The following PDZRN3 variants were observed in gnomAD, a reference collection of about 807,000 sequenced individuals.
PDZRN3 encodes PDZ domain containing ring finger 3, also known as E3 ubiquitin-protein ligase PDZRN3.
Under a neutral mutation model 85.7 loss-of-function variants are expected in PDZRN3, and 38 were observed. The ratio of observed to expected loss-of-function variants is 0.44; its 90% CI spans 0.34 to 0.58. The LOEUF (loss-of-function observed/expected upper bound fraction) is 0.58, where lower values mean the gene tolerates loss of function less well. Among genes scored for constraint, PDZRN3 ranks in the 20% least tolerant of loss-of-function variants. The pLI, the probability that PDZRN3 is intolerant of heterozygous loss-of-function variation, is 0.01. For synonymous variants in PDZRN3, 759 were observed against 638.0 expected, an observed-to-expected ratio of 1.19 and a Z score of -2.86; for missense variants, 1,629 against 1,506.4, an observed-to-expected ratio of 1.08 and a Z score of -1.35.
chr3:73,432,996 C>T (rs1702462727), intron 3 of PDZRN3, among the ~76,000 whole-genome samples: 1 of 152,214 alleles, frequency 6.6e-6, no homozygotes, highest in South Asian at 2.1e-4. Context: ...CGTAAATATC[C>T]CATTTCATCT....
At chr3:73,433,719 C>CGTCAAAGG in intron 3 of PDZRN3, 16 of 1,536,012 alleles carry the variant, frequency 1.0e-5, no homozygotes, top group Non-Finnish European at 1.4e-5. Context: ...TTTAGAAAAA[C>CGTCAAAGG]GTCAAAGGAA....
intron 3 of PDZRN3, among the ~76,000 whole-genome samples, chr3:73,525,592 T>C (rs1004682219): frequency 6.6e-6 from 1 of 152,210 alleles, no homozygotes; most frequent in African/African-American, 2.4e-5. Flanking sequence ...TTCCAACTGA[T>C]TGGGAATACG....
rs34405662 is a variant in PDZRN3 at position 73,600,337 on chromosome 3, A to ACACACTCT, written c.918+2016_918+2017insAGAGTGTG. Among the ~76,000 whole-genome samples the ACACACTCT allele has an allele frequency of 3.0e-3, 300 of 100,064 alleles. 1 individual carries two copies. Among genetic ancestry groups the ACACACTCT allele is most frequent in the African/African-American group, 6.8e-3 (160 of 23,426 alleles). 65.6% of individuals were successfully genotyped at this position (100,064 alleles called of 152,430 possible). On this transcript the variant is annotated intron_variant, in intron 3 of 9. Coordinates refer to ENST00000263666, the MANE Select transcript of PDZRN3 (RefSeq NM_015009.3). The stretch of plus-strand genomic sequence containing the variant: ...CACACACACACACACACACACACAC[A>ACACACTCT]CTCTCTCTCTCTCTCTCTCTCTCTC...
intron 3 of PDZRN3, among the ~76,000 whole-genome samples, chr3:73,582,437 G>A (rs1166872481): frequency 6.6e-6 from 1 of 151,988 alleles, no homozygotes; most frequent in Non-Finnish European, 1.5e-5. Flanking sequence ...AACTTGCTGT[G>A]TACAAATTCT....
chr3:73,419,724 C>A (rs558099607), intron 3 of PDZRN3, among the ~76,000 whole-genome samples: 1 of 152,290 alleles, frequency 6.6e-6, no homozygotes, highest in African/African-American at 2.4e-5. Context: ...CGGTACCATC[C>A]GCTGAGTATG....
At chr3:73,412,033 T>G (rs530184652) in intron 3 of PDZRN3, among the ~76,000 whole-genome samples, 9 of 152,352 alleles carry the variant, frequency 5.9e-5, no homozygotes, top group Admixed American at 2.0e-4. Flanking sequence ...TCATTTAAGA[T>G]GCTGGTGGCT....
At chr3:73,489,285 CA>C (rs1363962584) in intron 3 of PDZRN3, among the ~76,000 whole-genome samples, 1 of 152,206 alleles carries the variant, frequency 6.6e-6, no homozygotes, top group Non-Finnish European at 1.5e-5. Context: ...TTTATATTTT[CA>C]TATCTTTAAT....
At chr3:73,529,175 A>T (rs1325619739) in intron 3 of PDZRN3, among the ~76,000 whole-genome samples, 1 of 152,228 alleles carries the variant, frequency 6.6e-6, no homozygotes, top group Non-Finnish European at 1.5e-5. Flanking sequence ...GTCTTTCTAC[A>T]TAAAGGTTTT....
intron 3 of PDZRN3, among the ~76,000 whole-genome samples, chr3:73,436,163 C>A (rs547826734): frequency 2.0e-5 from 3 of 152,246 alleles, no homozygotes; most frequent in African/African-American, 7.2e-5. Flanking sequence ...TGTCGTATCA[C>A]CCCGTTCATT....
intron 8 of PDZRN3, 39 bp from the exon 9 acceptor site, chr3:73,385,824 C>G (rs776668827): frequency 8.8e-7 from 1 of 1,138,396 alleles, no homozygotes; most frequent in Admixed American, 1.7e-5. Flanking sequence ...TTAGAAGTTT[C>G]CTTTCATGTT....
chr3:73,410,644 A>T (rs1277016415), intron 3 of PDZRN3, among the ~76,000 whole-genome samples: 1 of 152,244 alleles, frequency 6.6e-6, no homozygotes, highest in African/African-American at 2.4e-5. Flanking sequence ...CTCACATTTT[A>T]AAATTCTTTA....
At position 73,459,002 on chromosome 3, in the gene PDZRN3, A is replaced by AG. The variant is rs1454581444; in HGVS notation, c.919-54608_919-54607insC. On this transcript the variant is annotated intron_variant, in intron 3 of 9. Coordinates refer to ENST00000263666, the MANE Select transcript of PDZRN3 (RefSeq NM_015009.3). ...GCAAAACTCCATCTCAAACAAAAAA[A>AG]AAAAAAGAAAAAAAAGAAAAAAGAA... Among the ~76,000 whole-genome samples the AG allele has an allele frequency of 5.9e-5, 9 of 151,586 alleles. No homozygotes were observed. In the East Asian group the frequency reaches 1.6e-3, roughly 26 times the overall value.
At chr3:73,602,854 A>C (rs747188812) in intron 2 of PDZRN3, among the ~76,000 whole-genome samples, 6 of 152,200 alleles carry the variant, frequency 3.9e-5, no homozygotes, top group Non-Finnish European at 7.3e-5. Context: ...TTAACTCTAA[A>C]AATCATGAAG....
At chr3:73,535,593 C>A (rs1704764265) in intron 3 of PDZRN3, among the ~76,000 whole-genome samples, 1 of 152,176 alleles carries the variant, frequency 6.6e-6, no homozygotes, top group South Asian at 2.1e-4. Context: ...ACAGAGCTGC[C>A]TTTTTGGGGA....
At chr3:73,546,896 T>C (rs763518544) in intron 3 of PDZRN3, among the ~76,000 whole-genome samples, 43 of 152,132 alleles carry the variant, frequency 2.8e-4, no homozygotes, top group Non-Finnish European at 5.7e-4. Flanking sequence ...CATGAAGAAA[T>C]AAAACTCTGG....
At chr3:73,590,735 T>C (rs891918305) in intron 3 of PDZRN3, among the ~76,000 whole-genome samples, 3 of 152,210 alleles carry the variant, frequency 2.0e-5, no homozygotes, top group African/African-American at 4.8e-5. Flanking sequence ...GCAATTCTAT[T>C]CCAAGTCCCC....
chr3:73,567,705 C>A (rs1234077101), intron 3 of PDZRN3, among the ~76,000 whole-genome samples: 2 of 152,158 alleles, frequency 1.3e-5, no homozygotes, highest in Non-Finnish European at 2.9e-5. Flanking sequence ...AAACAGCCTT[C>A]CTCCAGTCCG....
intron 2 of PDZRN3, among the ~76,000 whole-genome samples, chr3:73,604,456 TG>T (rs879271023): frequency 6.6e-6 from 1 of 151,522 alleles, no homozygotes; most frequent in Non-Finnish European, 1.5e-5. Flanking sequence ...AGCTAAAAAG[TG>T]GTATGGCTCA....
chr3:73,573,632 T>C lies in PDZRN3; in HGVS notation c.918+28722A>G, dbSNP rs114384653. ...CCATCTGGCTCTTTACAGGAAAAGT[T>C]TGCCAACGCCCGTTCTATGGTAATA... On this transcript the variant is annotated intron_variant, in intron 3 of 9. Transcript: ENST00000263666. 3.9e-3 allele frequency among the ~76,000 whole-genome samples: 590 copies of C among 152,298 alleles called. 7 individuals are homozygous for C. The highest frequency in any genetic ancestry group is 4.5e-3 in the Non-Finnish European group (305 of 68,026).
Sources: allele counts gnomAD v4.1 joint callset (sites outside exome capture counted in the v4.1 genomes callset), GRCh38; gene constraint gnomAD v4.1.1; transcripts MANE v1.5; gene names NCBI Gene and HGNC (gene_info 2026-07-23, HGNC 2026-07-21).